NOX4: variants seen among roughly 807,000 people sequenced by gnomAD.
NOX4 encodes NADPH oxidase 4.
A neutral mutation model predicts 87.6 loss-of-function variants in NOX4; 69 were observed. The ratio of observed to expected loss-of-function variants is 0.79; its 90% CI spans 0.65 to 0.96. The LOEUF is 0.96. Among genes scored for constraint, NOX4 ranks in the 40% least tolerant of loss-of-function variants. The pLI is 0.00. For missense variants in NOX4, 680 were observed against 681.5 expected (o/e 1.00, Z 0.02); for synonymous variants, 275 against 238.2 (o/e 1.15, Z -1.42).
chr11:89,352,115 G>C (rs1165514353), intron 13 of NOX4, among the ~76,000 whole-genome samples: 1 of 152,120 alleles, frequency 6.6e-6, no homozygotes, highest in African/African-American at 2.4e-5. Context: ...AAGGTTGCAG[G>C]GGGGCTAGGA....
the NOX4 span, among the ~76,000 whole-genome samples, chr11:89,557,981 TAA>T: frequency 6.6e-6 from 1 of 152,096 alleles, no homozygotes; most frequent in Admixed American, 6.6e-5. Flanking sequence ...GTGACAGGGT[TAA>T]GTTTTCAAAT....
chr11:89,556,344 G>A, the NOX4 span, among the ~76,000 whole-genome samples: 6 of 152,078 alleles, frequency 3.9e-5, no homozygotes, highest in East Asian at 1.9e-4. Flanking sequence ...CCAACATGGC[G>A]AAACCTCATC....
At chr11:89,533,580 A>T in the NOX4 span, 73 of 152,316 alleles carry the variant, frequency 4.8e-4, no homozygotes, top group African/African-American at 1.5e-3. Context: ...TTTGCTTCAC[A>T]TGCATTTTGA....
intron 7 of NOX4, 28 bp downstream of exon 7, chr11:89,432,756 C>T (rs1233410968): frequency 4.0e-6 from 6 of 1,486,144 alleles, no homozygotes; most frequent in Middle Eastern, 1.7e-4. Flanking sequence ...GACAGATACA[C>T]ATCAAAATAA....
chr11:89,558,531 A>C, the NOX4 span, among the ~76,000 whole-genome samples: 1 of 152,150 alleles, frequency 6.6e-6, no homozygotes, highest in African/African-American at 2.4e-5. Flanking sequence ...CCTGGAAGCC[A>C]AGACTAGTGC....
At chr11:89,520,749 A>T in the NOX4 span, among the ~76,000 whole-genome samples, 1 of 152,104 alleles carries the variant, frequency 6.6e-6, no homozygotes, top group Admixed American at 6.6e-5. Flanking sequence ...AAAAGGAACA[A>T]ACTATCTCTC....
intron 5 of NOX4, among the ~76,000 whole-genome samples, chr11:89,442,025 G>A (rs1944480423): frequency 6.8e-6 from 1 of 146,144 alleles, no homozygotes; most frequent in South Asian, 2.1e-4. Context: ...TAATAGATAT[G>A]CCATATATTT....
At chr11:89,554,020 C>A in the NOX4 span, among the ~76,000 whole-genome samples, 1 of 151,700 alleles carries the variant, frequency 6.6e-6, no homozygotes, top group Non-Finnish European at 1.5e-5. Context: ...AGACAGCTTC[C>A]AGGTCCTTGA....
the NOX4 span, among the ~76,000 whole-genome samples, chr11:89,506,601 A>G: frequency 6.6e-6 from 1 of 151,802 alleles, no homozygotes; most frequent in African/African-American, 2.4e-5. Flanking sequence ...ATTAAAGTAT[A>G]TAACTTCTGT....
chr11:89,466,399 TATAAC>T (rs1365492313), intron 2 of NOX4, among the ~76,000 whole-genome samples: 2 of 152,142 alleles, frequency 1.3e-5, no homozygotes, highest in African/African-American at 2.4e-5. Context: ...ATAAAACAAA[TATAAC>T]ATAATAATCC....
intron 2 of NOX4, among the ~76,000 whole-genome samples, chr11:89,480,228 A>G (rs1946335655): frequency 6.6e-6 from 1 of 152,266 alleles, no homozygotes; most frequent in Non-Finnish European, 1.5e-5. Flanking sequence ...ATTGCATGCT[A>G]AGGGTTGACT....
intron 11 of NOX4, 61 bp from the exon 12 acceptor site, chr11:89,373,553 A>T: frequency 2.8e-6 from 3 of 1,086,896 alleles, no homozygotes; most frequent in Non-Finnish European, 4.2e-6. Context: ...ATTATAATTC[A>T]ATTACAACTT....
chr11:89,403,871 A>G (rs564491792), intron 8 of NOX4, among the ~76,000 whole-genome samples: 2 of 152,298 alleles, frequency 1.3e-5, no homozygotes, highest in African/African-American at 4.8e-5. Context: ...CTCTGGTTGT[A>G]TTCACCATCT....
intron 12 of NOX4, among the ~76,000 whole-genome samples, chr11:89,362,334 A>T (rs1591024589): frequency 6.6e-6 from 1 of 151,938 alleles, no homozygotes; most frequent in East Asian, 1.9e-4. Context: ...ATCAGCAATA[A>T]ATCATTTCTC....
At chr11:89,488,797 C>T in intron 2 of NOX4, 2 of 511,226 alleles carry the variant, frequency 3.9e-6, no homozygotes, top group South Asian at 3.4e-5. Flanking sequence ...TAAGTTACAC[C>T]TAATGGGGAA....
At chr11:89,391,844 T>C (rs1941150155) in intron 11 of NOX4, among the ~76,000 whole-genome samples, 1 of 151,470 alleles carries the variant, frequency 6.6e-6, no homozygotes, top group African/African-American at 2.4e-5. Context: ...CACTTTAAAA[T>C]ACATATTAAT....
the NOX4 span, among the ~76,000 whole-genome samples, chr11:89,584,227 A>G: frequency 1.6e-4 from 25 of 152,102 alleles, 1 homozygote; most frequent in Admixed American, 1.6e-3. Flanking sequence ...TTTTCTCCTC[A>G]GGAATTATCT....
chr11:89,342,235 A>C, intron 13 of NOX4, 42 bp from the exon 14 acceptor site: 3 of 1,579,786 alleles, frequency 1.9e-6, no homozygotes, highest in Non-Finnish European at 2.6e-6. Context: ...AATGAAAATA[A>C]GTGAAATTAA....
At chr11:89,554,572 T>C in the NOX4 span, among the ~76,000 whole-genome samples, 6 of 152,118 alleles carry the variant, frequency 3.9e-5, no homozygotes, top group African/African-American at 1.2e-4. Context: ...TAAATAGATA[T>C]TCAGGTATAG....
Sources: allele counts gnomAD v4.1 joint callset (sites outside exome capture counted in the v4.1 genomes callset), GRCh38; gene constraint gnomAD v4.1.1; transcripts MANE v1.5; gene names NCBI Gene and HGNC (gene_info 2026-07-23, HGNC 2026-07-21).